SYT1: variants seen among roughly 807,000 people sequenced by gnomAD.
SYT1 encodes the protein synaptotagmin 1.
Under a neutral mutation model 44.8 loss-of-function variants are expected in SYT1, and 8 were observed. The ratio of observed to expected loss-of-function variants is 0.18; its 90% CI spans 0.10 to 0.32. SYT1 has a LOEUF of 0.32. Among genes scored for constraint, SYT1 ranks in the 10% least tolerant of loss-of-function variants. The probability of loss-of-function intolerance (pLI) is 1.00; values close to 1 mark genes in which losing one functional copy is unlikely to be tolerated. For synonymous variants in SYT1, 154 were observed against 188.8 expected (o/e 0.82, Z 1.51); for missense variants, 286 against 509.3 (o/e 0.56, Z 4.22).
At position 79,448,899 on chromosome 12, in the gene SYT1, A is replaced by G. The variant is rs1276849912; in HGVS notation, c.1063-19A>G. The G allele has an allele frequency of 1.9e-6, 3 of 1,613,040 alleles. No individual in the cohort carries two copies. The South Asian group carries it at 3.3e-5, about 18-fold the overall frequency. On this transcript the variant is annotated intron_variant, in intron 10 of 10. Transcript: ENST00000261205. The stretch of plus-strand genomic sequence containing the variant: ...CTCTAGAGCTAGATGATTCATATTC[A>G]TTTCATGGCTTCTTTCAGAAAGTGC...
At chr12:79,324,203 G>A (rs1881503714) in intron 8 of SYT1, among the ~76,000 whole-genome samples, 1 of 151,986 alleles carries the variant, frequency 6.6e-6, no homozygotes, top group Non-Finnish European at 1.5e-5. Flanking sequence ...GCCTGCCTCG[G>A]CCTCCCAAAG....
chr12:79,026,073 T>C (rs1343979729), intron 2 of SYT1, among the ~76,000 whole-genome samples: 2 of 151,752 alleles, frequency 1.3e-5, no homozygotes, highest in African/African-American at 4.8e-5. Context: ...GATTTGTTAA[T>C]TTTATGCATC....
chr12:79,016,999 G>A (rs999861226), intron 2 of SYT1, among the ~76,000 whole-genome samples: 1 of 152,058 alleles, frequency 6.6e-6, no homozygotes, highest in African/African-American at 2.4e-5. Context: ...GGCTTATTGT[G>A]TTTACACAAA....
intron 4 of SYT1, among the ~76,000 whole-genome samples, chr12:79,252,425 A>G (rs1471528597): frequency 6.6e-6 from 1 of 152,106 alleles, no homozygotes; most frequent in Non-Finnish European, 1.5e-5. Context: ...TTCAAAAAGT[A>G]TTTCTGACTG....
intron 9 of SYT1, among the ~76,000 whole-genome samples, chr12:79,360,305 A>C (rs1262514880): frequency 6.6e-6 from 1 of 152,134 alleles, no homozygotes; most frequent in Non-Finnish European, 1.5e-5. Flanking sequence ...CTCTTCCCTG[A>C]AAAATACCTG....
chr12:79,195,044 C>T (rs1307610686), intron 3 of SYT1, among the ~76,000 whole-genome samples: 1 of 151,998 alleles, frequency 6.6e-6, no homozygotes, highest in African/African-American at 2.4e-5. Flanking sequence ...CGAGAAAATC[C>T]CTATTGTTAA....
intron 1 of SYT1, among the ~76,000 whole-genome samples, chr12:78,936,713 T>C (rs1179405713): frequency 6.6e-6 from 1 of 152,176 alleles, no homozygotes; most frequent in Non-Finnish European, 1.5e-5. Context: ...TATTCAAGAC[T>C]ATTGCAGTAG....
intron 8 of SYT1, among the ~76,000 whole-genome samples, chr12:79,302,699 C>T (rs752515812): frequency 6.6e-5 from 10 of 152,002 alleles, no homozygotes; most frequent in African/African-American, 1.2e-4. Context: ...GATCGTGTTC[C>T]GCAAATTTAC....
intron 2 of SYT1, among the ~76,000 whole-genome samples, chr12:79,008,347 A>C (rs1488669904): frequency 2.0e-5 from 3 of 152,152 alleles, no homozygotes; most frequent in African/African-American, 7.2e-5. Flanking sequence ...GATTGGATGA[A>C]ATAGGCATGA....
chr12:78,981,272 C>A lies in SYT1; in HGVS notation c.-84+3341C>A, dbSNP rs1010844521. ...CCTCCTGAGTAGCTGGGATTACAGGCGTGAGCCACCACACCCAGCTAATTT... is the reference window on the plus strand; with the variant it reads ...CCTCCTGAGTAGCTGGGATTACAGGAGTGAGCCACCACACCCAGCTAATTT... On this transcript the variant is annotated intron_variant, in intron 2 of 10. Coordinates refer to ENST00000261205, the MANE Select transcript of SYT1 (RefSeq NM_005639.3). Among the ~76,000 whole-genome samples the A allele has an allele frequency of 5.3e-5, 8 of 151,756 alleles. No homozygotes were observed. The South Asian group carries it at 1.7e-3, about 32-fold the overall frequency.
upstream of SYT1, chr12:78,864,354 TA>T (rs5799404): frequency 0.51 from 65,030 of 126,668 alleles, 15,407 homozygotes; most frequent in Admixed American, 0.61. Context: ...TGATTGAGAG[TA>T]AAAAAAAAAA....
intron 1 of SYT1, among the ~76,000 whole-genome samples, chr12:78,930,957 AGTT>A: frequency 6.6e-6 from 1 of 151,430 alleles, no homozygotes; most frequent in East Asian, 2.0e-4. Context: ...ATATTGTTGT[AGTT>A]GTTGGAAAAT....
intron 9 of SYT1, among the ~76,000 whole-genome samples, chr12:79,417,298 A>G (rs534514702): frequency 1.3e-5 from 2 of 152,260 alleles, no homozygotes; most frequent in South Asian, 4.1e-4. Context: ...ATCCAATTGC[A>G]TACAATGTAT....
chr12:79,079,769 A>G (rs1876900587), intron 3 of SYT1, among the ~76,000 whole-genome samples: 1 of 152,110 alleles, frequency 6.6e-6, no homozygotes, highest in African/African-American at 2.4e-5. Flanking sequence ...GTTGACATTG[A>G]CCAAAATAAA....
chr12:78,922,198 T>C (rs1310360091), intron 1 of SYT1, among the ~76,000 whole-genome samples: 1 of 151,956 alleles, frequency 6.6e-6, no homozygotes, highest in Non-Finnish European at 1.5e-5. Context: ...TCTCTTACAC[T>C]AAGCACAGGA....
intron 1 of SYT1, among the ~76,000 whole-genome samples, chr12:78,866,790 A>G (rs1873568559): frequency 6.6e-6 from 1 of 151,796 alleles, no homozygotes; most frequent in Non-Finnish European, 1.5e-5. Context: ...TTTGTCTAGA[A>G]CTCCACTTGA....
chr12:78,886,145 G>T (rs960846044), intron 1 of SYT1, among the ~76,000 whole-genome samples: 2 of 151,848 alleles, frequency 1.3e-5, no homozygotes, highest in Admixed American at 6.6e-5. Context: ...GTAAATAAAA[G>T]TTGGGCTAAC....
chr12:79,096,674 T>A (rs1457458688), intron 3 of SYT1, among the ~76,000 whole-genome samples: 1 of 151,830 alleles, frequency 6.6e-6, no homozygotes, highest in Admixed American at 6.6e-5. Flanking sequence ...TATGACCCAT[T>A]TGGAGGAAAG....
chr12:79,223,818 C>G (rs994009937), intron 4 of SYT1, among the ~76,000 whole-genome samples: 12 of 152,130 alleles, frequency 7.9e-5, no homozygotes, highest in African/African-American at 2.9e-4. Context: ...GAATATAAGG[C>G]CGTGGTAGTC....
Sources: gnomAD v4.1 joint callset for allele counts (sites outside exome capture counted in the v4.1 genomes callset) on GRCh38, gnomAD v4.1.1 for gene constraint, MANE v1.5 for transcripts, NCBI Gene and HGNC (gene_info 2026-07-23, HGNC 2026-07-21) for gene names.